The following A2ML1 variants were observed in gnomAD, a reference collection of about 807,000 sequenced individuals.
A2ML1 encodes the protein alpha-2-macroglobulin-like protein 1.
In A2ML1, 161 loss-of-function variants were observed where a neutral mutation model predicts 181.9. The ratio of observed to expected loss-of-function variants is 0.89; its 90% CI spans 0.78 to 1.01. The LOEUF (loss-of-function observed/expected upper bound fraction) is 1.01, where lower values mean the gene tolerates loss of function less well. Among genes scored for constraint, A2ML1 ranks in the 50% least tolerant of loss-of-function variants. A2ML1 has a pLI of 0.00. For missense variants in A2ML1, 1,670 were observed against 1,768.1 expected (o/e 0.94, Z 1.00); for synonymous variants, 663 against 666.8 (o/e 0.99, Z 0.09).
chr12:8,861,778 C>T lies in A2ML1; in HGVS notation c.3502+481C>T, dbSNP rs138039620. Among the ~76,000 whole-genome samples, 529 of 149,818 alleles carry T rather than the reference C, an allele frequency of 3.5e-3. 9 individuals carry two copies. The highest frequency in any genetic ancestry group is 0.013 in the African/African-American group (510 of 40,572). ...CTGGTATTACAGGCATGAGCCACCA[C>T]GCCCGAGTTTCTCTCTTCTTGCCCA... On this transcript the variant is annotated intron_variant, in intron 28 of 35. Coordinates refer to ENST00000299698, the MANE Select transcript of A2ML1 (RefSeq NM_144670.6).
chr12:8,860,763 C>CT, intron 26 of A2ML1, 118 bp from the exon 27 acceptor site: 4 of 871,518 alleles, frequency 4.6e-6, no homozygotes, highest in Non-Finnish European at 7.3e-6. Context: ...GCTTTCTTTT[C>CT]TTTTTTCTTT....
intron 34 of A2ML1, 22 bp from the exon 35 acceptor site, chr12:8,874,949 T>A (rs1435393434): frequency 1.2e-6 from 2 of 1,613,500 alleles, no homozygotes; most frequent in Non-Finnish European, 1.7e-6. Context: ...AAAGTAATAA[T>A]ATGACTTATT....
chr12:8,864,140 G>A, intron 29 of A2ML1, 132 bp downstream of exon 29: 1 of 748,086 alleles, frequency 1.3e-6, no homozygotes, highest in Non-Finnish European at 2.1e-6. Flanking sequence ...AACAATATAT[G>A]GAAGTATTCA....
At chr12:8,866,055 C>T (rs750763633) in intron 29 of A2ML1, among the ~76,000 whole-genome samples, 1 of 151,870 alleles carries the variant, frequency 6.6e-6, no homozygotes, top group East Asian at 1.9e-4. Context: ...TGGTGGCTCA[C>T]GCCTGTAATC....
At chr12:8,863,763 G>T in intron 28 of A2ML1, 31 bp from the exon 29 acceptor site, 2 of 1,609,182 alleles carry the variant, frequency 1.2e-6, no homozygotes, top group South Asian at 1.1e-5. Flanking sequence ...TTCCTTCTAA[G>T]GACATCCTAG....
Position 8,841,470 on chromosome 12 carries a change from T to A in A2ML1, c.1182T>A (p.Asp394Glu). 6.2e-7 allele frequency: 1 copy of A among 1,614,182 alleles called. No individual in the cohort carries two copies. Among genetic ancestry groups the A allele is most frequent in the Non-Finnish European group, 8.5e-7 (1 of 1,180,042 alleles). Residue 394 changes from aspartate (D) to glutamate (E), a missense_variant, in exon 11 of 36, where the codon GAT becomes GAA. Asp to Glu is a conservative substitution (Grantham distance 45). Transcript: ENST00000299698. ...NGTFNQTLVTDNNGLAPFTLE... is the reference protein window; with the variant it reads ...NGTFNQTLVTENNGLAPFTLE... ...CCTTCAACCAGACCCTGGTTACTGA[T>A]AACAATGGCCTAGCTCCCTTTACCT...
At chr12:8,829,287 C>T (rs748127271) in intron 3 of A2ML1, among the ~76,000 whole-genome samples, 6 of 152,316 alleles carry the variant, frequency 3.9e-5, no homozygotes, top group African/African-American at 1.4e-4. Context: ...ACTCTCAGAG[C>T]AGGTTTTGTA....
chr12:8,843,228 C>T lies in A2ML1; in HGVS notation c.1343C>T (p.Thr448Ile), dbSNP rs1225216276. The change falls in exon 12 of 36, where the codon ACA (threonine) becomes ATA (isoleucine). Residue 448 changes from threonine (T) to isoleucine (I), a missense_variant. By Grantham distance (89) the Thr-to-Ile change is moderately conservative (BLOSUM62 -1). Transcript: ENST00000299698. The part of the protein sequence containing the change: ...AYLHLRPFYS[T>I]TRSFLGIHRL... Reference sequence around the variant, plus strand: ...CTGCACCTGCGACCCTTCTACAGCACAACCCGCAGCTTCCTTGGCATCCAC... The same window carrying T: ...CTGCACCTGCGACCCTTCTACAGCATAACCCGCAGCTTCCTTGGCATCCAC... 1 of 1,614,106 alleles carries T rather than the reference C, an allele frequency of 6.2e-7. No individual in the cohort carries two copies. Among genetic ancestry groups the T allele is most frequent in the African/African-American group, 1.3e-5 (1 of 74,934 alleles).
chr12:8,841,548 C>T lies in A2ML1; in HGVS notation c.1248+12C>T, dbSNP rs370769861. 8.5e-5 allele frequency: 136 copies of T among 1,599,784 alleles called. No homozygotes were observed. The highest frequency in any genetic ancestry group is 2.5e-4 in the South Asian group (22 of 88,360). On this transcript the variant is annotated intron_variant, in intron 11 of 35. Coordinates refer to ENST00000299698, the MANE Select transcript of A2ML1 (RefSeq NM_144670.6). Reference sequence around the variant, plus strand: ...ACGTTTCTCTGGAGGTAAGCATGGACGGAGGACCAGCTTCCTAGAAAGGAA... The same window carrying T: ...ACGTTTCTCTGGAGGTAAGCATGGATGGAGGACCAGCTTCCTAGAAAGGAA...
Position 8,852,728 on chromosome 12 carries a change from G to A in A2ML1, c.2590+392G>A, listed in dbSNP as rs781546873. 3.3e-5 allele frequency among the ~76,000 whole-genome samples: 5 copies of A among 152,052 alleles called. No individual in the cohort carries two copies. Among genetic ancestry groups the A allele is most frequent in the Admixed American group, 1.3e-4 (2 of 15,272 alleles). On this transcript the variant is annotated intron_variant, in intron 20 of 35. Transcript: ENST00000299698. This position sits in a 1 kb window ranked among gnomAD's most constrained non-coding sequence, Gnocchi z 4.2. ...TTATTTATTTTTGAGAGGAAGTCTC[G>A]CTCTGTTGCGCAGGCTGGAGTGCAG...
chr12:8,837,307 A>G (rs1943314454), intron 7 of A2ML1, 133 bp from the exon 8 acceptor site: 1 of 1,190,022 alleles, frequency 8.4e-7, no homozygotes. Flanking sequence ...GGCGTGAGCC[A>G]CTGCACTGGC....
At position 8,823,732 on chromosome 12, in the gene A2ML1, G is replaced by A. The variant is rs745530050; in HGVS notation, c.259G>A (p.Ala87Thr). ...HCISFLVPPPAGGTEEVATIR... is the reference protein window; with the variant it reads ...HCISFLVPPPTGGTEEVATIR... ...CTTTCTTGGTCAGGTACCACCTCCTGCTGGTGGCACAGAAGAAGTGGCCAC... is the reference window on the plus strand; with the variant it reads ...CTTTCTTGGTCAGGTACCACCTCCTACTGGTGGCACAGAAGAAGTGGCCAC... The change falls in exon 3 of 36, where the codon GCT becomes ACT. Residue 87 changes from alanine to threonine, a missense_variant. By Grantham distance (58) the Ala-to-Thr change is moderately conservative. Coordinates refer to ENST00000299698, the MANE Select transcript of A2ML1 (RefSeq NM_144670.6). 2 of 1,613,820 alleles carry A rather than the reference G, an allele frequency of 1.2e-6. No homozygotes were observed. The highest frequency in any genetic ancestry group is 1.7e-6 in the Non-Finnish European group (2 of 1,179,882).
At chr12:8,885,708 C>G (rs1319800145) in intron 7 of A2ML1, among the ~76,000 whole-genome samples, 1 of 152,148 alleles carries the variant, frequency 6.6e-6, no homozygotes, top group Non-Finnish European at 1.5e-5. Flanking sequence ...AAGCAATCTG[C>G]CTGCCTCGGC....
At chr12:8,868,715 G>A (rs895977760) in intron 32 of A2ML1, 88 bp downstream of exon 32, 62 of 924,716 alleles carry the variant, frequency 6.7e-5, no homozygotes, top group African/African-American at 2.9e-4. Flanking sequence ...GCATCATGGC[G>A]TGTATACACA....
intron 34 of A2ML1, 134 bp from the exon 35 acceptor site, chr12:8,874,837 T>C: frequency 9.9e-6 from 8 of 811,546 alleles, no homozygotes; most frequent in Non-Finnish European, 1.6e-5. Flanking sequence ...ATTGAAACTT[T>C]CTTGTAATTC....
At chr12:8,847,375 T>C (rs1205594736) in intron 14 of A2ML1, among the ~76,000 whole-genome samples, 174 bp from the exon 15 acceptor site, 1 of 152,128 alleles carries the variant, frequency 6.6e-6, no homozygotes, top group African/African-American at 2.4e-5. Flanking sequence ...TTCCCAACTC[T>C]ATCACGGCAT....
At chr12:8,848,372 T>G (rs1345931154) in intron 15 of A2ML1, among the ~76,000 whole-genome samples, 1 of 151,508 alleles carries the variant, frequency 6.6e-6, no homozygotes, top group African/African-American at 2.4e-5. Context: ...TCCCAACTAC[T>G]CAGGAGGCTG....
In A2ML1 at chr12:8,838,436, T is replaced by G. The variant is rs746280503; in HGVS notation, c.956T>G (p.Val319Gly). 4.3e-6 allele frequency: 7 copies of G among 1,613,588 alleles called. No homozygotes were observed. Among genetic ancestry groups the G allele is most frequent in the Middle Eastern group, 1.7e-4 (1 of 6,060 alleles). Reference protein sequence around the residue: ...SHQINIVATVVEEGTGVEANA... With the variant: ...SHQINIVATVGEEGTGVEANA... ...CAAATCAATATTGTGGCTACTGTTG[T>G]GGAGGAAGGGACAGGTAAGTAGGGT... is the stretch of plus-strand genomic sequence containing the variant. Residue 319 changes from valine (V) to glycine (G), a missense_variant, in exon 9 of 36, where the codon GTG becomes GGG. Val to Gly is a moderately radical substitution (Grantham distance 109). Transcript: ENST00000299698.
At position 8,876,114 on chromosome 12, in the gene A2ML1, T is replaced by C. The variant is rs1039106480; in HGVS notation, c.*58T>C. 6.6e-6 allele frequency: 1 copy of C among 152,174 alleles called. No individual in the cohort carries two copies. Among genetic ancestry groups the C allele is most frequent in the Admixed American group, 6.5e-5 (1 of 15,268 alleles). The allele number at this position is 152,174 out of a possible 1,614,324, so 9.4% of individuals were successfully genotyped here. ...TGACATTTACTGGAGGGTGGAACAT[T>C]CTTCTGTCGCTTGAAGCAGAACTCA... On this transcript the variant is annotated 3_prime_UTR_variant, in exon 36 of 36. Coordinates refer to ENST00000299698, the MANE Select transcript of A2ML1 (RefSeq NM_144670.6).
Sources: gnomAD v4.1 joint callset for allele counts (sites outside exome capture counted in the v4.1 genomes callset) on GRCh38, gnomAD v4.1.1 for gene constraint, Gnocchi (gnomAD v3.1) non-coding constraint, MANE v1.5 for transcripts, NCBI Gene and HGNC (gene_info 2026-07-23, HGNC 2026-07-21) for gene names.